ALCAM: variants seen among roughly 807,000 people sequenced by gnomAD.
ALCAM encodes the protein activated leukocyte cell adhesion molecule, also known as CD166 antigen.
Under a neutral mutation model 70.9 loss-of-function variants are expected in ALCAM, and 30 were observed. The observed-to-expected ratio is 0.42, with a 90% CI of 0.32 to 0.57. The LOEUF is 0.57. ALCAM is among the 20% of genes least tolerant of loss of function. The probability of loss-of-function intolerance (pLI) is 0.11; values close to 1 mark genes in which losing one functional copy is unlikely to be tolerated. For missense variants in ALCAM, 591 were observed against 695.1 expected (o/e 0.85, Z 1.68); for synonymous variants, 249 against 242.5 (o/e 1.03, Z -0.25).
intron 1 of ALCAM, among the ~76,000 whole-genome samples, chr3:105,518,750 G>A (rs1939449968): frequency 1.3e-5 from 2 of 152,016 alleles, no homozygotes; most frequent in South Asian, 4.1e-4. Flanking sequence ...AAATGAAAAT[G>A]CATTCTCACT....
At chr3:105,520,291 G>A (rs920337621) in intron 2 of ALCAM, 124 bp downstream of exon 2, 2 of 655,632 alleles carry the variant, frequency 3.1e-6, no homozygotes, top group Non-Finnish European at 5.4e-6. Flanking sequence ...TACAAATGTA[G>A]GAAGGTAAAA....
intron 1 of ALCAM, among the ~76,000 whole-genome samples, chr3:105,410,677 T>G (rs1936365252): frequency 6.6e-6 from 1 of 152,050 alleles, no homozygotes; most frequent in Non-Finnish European, 1.5e-5. Context: ...CAGGTTCAAT[T>G]GACTTAACAG....
chr3:105,372,045 T>C (rs1935249994), intron 1 of ALCAM, among the ~76,000 whole-genome samples: 1 of 152,176 alleles, frequency 6.6e-6, no homozygotes, highest in African/African-American at 2.4e-5. Context: ...ATAACATTTA[T>C]TTGGTTATTA....
chr3:105,417,219 G>C (rs1218551797), intron 1 of ALCAM, among the ~76,000 whole-genome samples: 2 of 151,448 alleles, frequency 1.3e-5, no homozygotes, highest in Non-Finnish European at 2.9e-5. Flanking sequence ...TTCAAGTCTA[G>C]TGACTTTTTT....
chr3:105,524,054 G>GA (rs973889217), intron 2 of ALCAM, among the ~76,000 whole-genome samples: 32 of 150,586 alleles, frequency 2.1e-4, no homozygotes, highest in African/African-American at 4.1e-4. Context: ...TCTTCTCAAT[G>GA]AAAAAAAAAT....
chr3:105,517,156 C>T (rs541771202), intron 1 of ALCAM, among the ~76,000 whole-genome samples: 65 of 152,146 alleles, frequency 4.3e-4, no homozygotes, highest in African/African-American at 1.4e-3. Flanking sequence ...CCCTAGGGGG[C>T]GCGAGATGTT....
At chr3:105,415,397 G>A (rs1576148062) in intron 1 of ALCAM, among the ~76,000 whole-genome samples, 1 of 152,108 alleles carries the variant, frequency 6.6e-6, no homozygotes, top group South Asian at 2.1e-4. Flanking sequence ...GTGTAAAGTA[G>A]AAGATAAGCT....
intron 1 of ALCAM, among the ~76,000 whole-genome samples, chr3:105,463,184 A>C (rs1576179789): frequency 6.6e-6 from 1 of 151,558 alleles, no homozygotes; most frequent in East Asian, 1.9e-4. Context: ...AAAAGGTATA[A>C]CCCAAAGGAC....
chr3:105,474,827 T>C (rs1215061337), intron 1 of ALCAM, among the ~76,000 whole-genome samples: 1 of 151,824 alleles, frequency 6.6e-6, no homozygotes, highest in Non-Finnish European at 1.5e-5. Context: ...TAAACTACTA[T>C]TGGCTTACTA....
At position 105,440,380 on chromosome 3, in the gene ALCAM, G is replaced by A. The variant is rs185262829; in HGVS notation, c.73+72899G>A. 3.8e-4 allele frequency among the ~76,000 whole-genome samples: 58 copies of A among 152,320 alleles called. 1 individual carries two copies. The highest frequency in any genetic ancestry group is 2.6e-3 in the Admixed American group (40 of 15,302). ...CATTGATTATCTACTGCCCGTCTTA[G>A]AATAGCACAAAGGGCCTTTTCAGGC... On this transcript the variant is annotated intron_variant, in intron 1 of 15. Transcript: ENST00000306107.
At chr3:105,440,280 T>G (rs1937143270) in intron 1 of ALCAM, among the ~76,000 whole-genome samples, 1 of 152,162 alleles carries the variant, frequency 6.6e-6, no homozygotes, top group African/African-American at 2.4e-5. Context: ...ACTCTCCTCC[T>G]AGGAGGTGGC....
chr3:105,496,830 GTGT>G lies in ALCAM; in HGVS notation c.74-23236_74-23234del, dbSNP rs1438659106. 6.9e-4 allele frequency among the ~76,000 whole-genome samples: 103 copies of G among 149,242 alleles called. 1 individual carries two copies. The highest frequency in any genetic ancestry group is 5.3e-3 in the South Asian group (25 of 4,712). ...GATATTCTGATAGTCCAATTGAGGTGTGTGTGTGTGTGTGTGTGTGTGTGTGCA... is the reference window on the plus strand; with the variant it reads ...GATATTCTGATAGTCCAATTGAGGTGGTGTGTGTGTGTGTGTGTGTGTGCA... On this transcript the variant is annotated intron_variant, in intron 1 of 15. Coordinates refer to ENST00000306107, the MANE Select transcript of ALCAM (RefSeq NM_001627.4).
intron 1 of ALCAM, among the ~76,000 whole-genome samples, chr3:105,486,767 A>T (rs1938440732): frequency 6.6e-6 from 1 of 152,112 alleles, no homozygotes; most frequent in Non-Finnish European, 1.5e-5. Context: ...ATATATTCAT[A>T]AAAATATAGA....
chr3:105,474,148 G>T (rs1351281748), intron 1 of ALCAM, among the ~76,000 whole-genome samples: 1 of 150,106 alleles, frequency 6.7e-6, no homozygotes, highest in Admixed American at 6.7e-5. Context: ...ATTACCCAAA[G>T]CATATGCTGT....
intron 1 of ALCAM, among the ~76,000 whole-genome samples, chr3:105,409,707 TA>T (rs202065938): frequency 6.6e-6 from 1 of 151,118 alleles, no homozygotes; most frequent in South Asian, 2.1e-4. Flanking sequence ...CTATAGAAAT[TA>T]AAAAAAAATT....
At chr3:105,446,970 A>G (rs1576168711) in intron 1 of ALCAM, among the ~76,000 whole-genome samples, 1 of 152,160 alleles carries the variant, frequency 6.6e-6, no homozygotes. Context: ...GGTTAACAGT[A>G]TTGTATATTT....
chr3:105,540,395 A>G (rs1940087300), intron 7 of ALCAM, among the ~76,000 whole-genome samples: 1 of 152,072 alleles, frequency 6.6e-6, no homozygotes, highest in Admixed American at 6.6e-5. Flanking sequence ...TCAGAAGCAG[A>G]TAACTACAAA....
At chr3:105,414,960 A>G (rs189796850) in intron 1 of ALCAM, among the ~76,000 whole-genome samples, 177 of 152,228 alleles carry the variant, frequency 1.2e-3, no homozygotes, top group African/African-American at 4.2e-3. Context: ...AGATAAGGGG[A>G]AAAAGCAGAT....
At chr3:105,443,941 T>C (rs1455549994) in intron 1 of ALCAM, among the ~76,000 whole-genome samples, 2 of 152,194 alleles carry the variant, frequency 1.3e-5, no homozygotes, top group East Asian at 3.8e-4. Flanking sequence ...ATGTTTCTTA[T>C]ATGATAAAGA....
Sources: gnomAD v4.1 joint callset for allele counts (sites outside exome capture counted in the v4.1 genomes callset) on GRCh38, gnomAD v4.1.1 for gene constraint, MANE v1.5 for transcripts, NCBI Gene and HGNC (gene_info 2026-07-23, HGNC 2026-07-21) for gene names.